The following TUB variants were observed in gnomAD, a reference collection of about 807,000 sequenced individuals.
TUB encodes the protein tubby protein homolog.
In TUB, 33 loss-of-function variants were observed where a neutral mutation model predicts 59.7. The ratio of observed to expected loss-of-function variants is 0.55; its 90% confidence interval spans 0.42 to 0.74. The LOEUF (loss-of-function observed/expected upper bound fraction) is 0.74. Among genes scored for constraint, TUB ranks in the 30% least tolerant of loss-of-function variants. The pLI, the probability that TUB is intolerant of heterozygous loss-of-function variation, is 0.00. For missense variants in TUB, 659 were observed against 672.0 expected (o/e 0.98, Z 0.21); for synonymous variants, 293 against 256.4 (o/e 1.14, Z -1.36).
At chr11:8,023,504 G>A (rs1431890853) in intron 1 of TUB, among the ~76,000 whole-genome samples, 13 of 152,118 alleles carry the variant, frequency 8.5e-5, no homozygotes, top group Non-Finnish European at 1.6e-4. Context: ...AGTTATCAAC[G>A]CAATGCTTCT....
intron 1 of TUB, among the ~76,000 whole-genome samples, chr11:8,088,498 G>A (rs1218277514): frequency 2.0e-5 from 3 of 152,216 alleles, no homozygotes; most frequent in Non-Finnish European, 1.5e-5. Flanking sequence ...ATGCACATGT[G>A]CACACACATG....
In TUB at chr11:8,081,419, C is replaced by T; in HGVS notation, c.-92C>T. 1.7e-5 allele frequency: 19 copies of T among 1,105,246 alleles called. No individual in the cohort carries two copies. Among genetic ancestry groups the T allele is most frequent in the East Asian group, 5.3e-5 (1 of 18,832 alleles). The allele number at this position is 1,105,246 out of a possible 1,614,324, so 68.5% of individuals were successfully genotyped here. On this transcript the variant is annotated 5_prime_UTR_variant, in exon 1 of 12. Transcript: ENST00000299506. ...CGCCCCGGCCCGGGAGGATGCGGCC[C>T]GGGGCGGCCCGGGAGCTGAGCAGGG...
At chr11:8,100,452 C>T (rs1467628649) in intron 9 of TUB, 51 bp from the exon 10 acceptor site, 3 of 1,448,208 alleles carry the variant, frequency 2.1e-6, no homozygotes, top group Non-Finnish European at 2.9e-6. Flanking sequence ...CCACCTTCTC[C>T]AGTAGGTAAA....
chr11:8,102,414 G>A lies in TUB; in HGVS notation c.*795G>A, dbSNP rs1345629872. 1 of 152,226 alleles carries A rather than the reference G, an allele frequency of 6.6e-6. No individual in the cohort carries two copies. Among genetic ancestry groups the A allele is most frequent in the East Asian group, 1.9e-4 (1 of 5,204 alleles). 9.4% of individuals were successfully genotyped at this position (152,226 alleles called of 1,614,324 possible). A position where few individuals can be genotyped will look rare whatever the true frequency, so the allele number is the denominator to read the frequency against. ...CAGAAGTGCATGAACAGGGTCCCTGGATCAGGGTTGTTCTGGGAGTCCTGT... is the reference window on the plus strand; with the variant it reads ...CAGAAGTGCATGAACAGGGTCCCTGAATCAGGGTTGTTCTGGGAGTCCTGT... On this transcript the variant is annotated 3_prime_UTR_variant, in exon 12 of 12. Transcript: ENST00000299506.
At position 8,096,671 on chromosome 11, in the gene TUB, T is replaced by C. The variant is rs553329873; in HGVS notation, c.566-14T>C. On this transcript the variant is annotated splice_polypyrimidine_tract_variant and intron_variant, in intron 5 of 11. Coordinates refer to ENST00000299506, the MANE Select transcript of TUB (RefSeq NM_177972.3). ...TCTCCTCCTTCATCCCTTCTTCTTC[T>C]CTCCTTGGCCCAGGCATCTCCAGCA... The C allele has an allele frequency of 1.6e-5, 25 of 1,549,328 alleles. No individual in the cohort carries two copies. In the African/African-American group the frequency reaches 2.2e-4, roughly 13 times the overall value.
rs750902007 is a variant in TUB at position 8,097,342 on chromosome 11, C to T, written c.802C>T (p.Arg268Cys). 23 of 1,614,056 alleles carry T rather than the reference C, an allele frequency of 1.4e-5. No homozygotes were observed. The highest frequency in any genetic ancestry group is 1.6e-4 in the Middle Eastern group (1 of 6,082). The change falls in exon 7 of 12, where the codon CGC (arginine) becomes TGC (cysteine). Residue 268 changes from arginine (R) to cysteine (C), a missense_variant. Arg to Cys is a radical substitution (Grantham distance 180, BLOSUM62 -3). Transcript: ENST00000299506. ...PAPQGITIKC[R>C]ITRDKKGMDR... ...CCCCCAGGGTATCACCATCAAATGC[C>T]GCATCACTCGGGACAAGAAAGGGAT... is the stretch of plus-strand genomic sequence containing the variant.
rs890458048 is a variant in TUB, at chr11:8,102,987, A to G, written c.*1368A>G. Reference sequence around the variant, plus strand: ...AGAAGCATCAGAGTTGATAAATTAGATTGAAACCATTCCAGTAGGAAATCA... The same window carrying G: ...AGAAGCATCAGAGTTGATAAATTAGGTTGAAACCATTCCAGTAGGAAATCA... On this transcript the variant is annotated 3_prime_UTR_variant, in exon 12 of 12. Transcript: ENST00000299506. 2.6e-5 allele frequency: 4 copies of G among 152,266 alleles called. No homozygotes were observed. Among genetic ancestry groups the G allele is most frequent in the Admixed American group, 2.0e-4 (3 of 15,288 alleles). 9.4% of individuals were successfully genotyped at this position (152,266 alleles called of 1,614,324 possible). A position where few individuals can be genotyped will look rare whatever the true frequency, so the allele number is the denominator to read the frequency against.
chr11:8,101,985 CTG>C lies in TUB; in HGVS notation c.*367_*368del. 4.0e-6 allele frequency: 1 copy of C among 252,132 alleles called. No individual in the cohort carries two copies. The highest frequency in any genetic ancestry group is 7.7e-6 in the Non-Finnish European group (1 of 130,280). 15.6% of individuals were successfully genotyped at this position (252,132 alleles called of 1,614,324 possible). A position where few individuals can be genotyped will look rare whatever the true frequency, so the allele number is the denominator to read the frequency against. Reference sequence around the variant, plus strand: ...GAGGGAGAGGAAGCACACTGCAGGGCTGCTGTGGCCCAGTCGTCCGCTCAGCC... The same window carrying C: ...GAGGGAGAGGAAGCACACTGCAGGGCCTGTGGCCCAGTCGTCCGCTCAGCC... On this transcript the variant is annotated 3_prime_UTR_variant, in exon 12 of 12. Transcript: ENST00000299506.
At position 8,097,463 on chromosome 11, in the gene TUB, C is replaced by T. The variant is rs552300378; in HGVS notation, c.885+38C>T. The stretch of plus-strand genomic sequence containing the variant: ...TGGGCATGTTATCATCTAGGCTTTA[C>T]AGCCCTTTGAAATCCTAGGGGCTGA... On this transcript the variant is annotated intron_variant, in intron 7 of 11. Transcript: ENST00000299506. The T allele has an allele frequency of 6.2e-6, 10 of 1,613,060 alleles. No homozygotes were observed. The African/African-American group carries it at 8.0e-5, about 13-fold the overall frequency.
intron 2 of TUB, among the ~76,000 whole-genome samples, chr11:8,066,942 C>A (rs1429731788): frequency 1.3e-5 from 2 of 152,188 alleles, no homozygotes; most frequent in Non-Finnish European, 2.9e-5. Flanking sequence ...TTACCTCCCC[C>A]AAATGCACAC....
rs143129826 is a variant in TUB, at chr11:8,098,765, T to C, written c.1006T>C (p.Leu336=). 240 of 1,613,848 alleles carry C rather than the reference T, an allele frequency of 1.5e-4. 1 individual carries two copies. In the African/African-American group the frequency reaches 2.3e-3, roughly 15 times the overall value. Residue 336 remains leucine (L), a synonymous_variant, in exon 9 of 12, where the codon TTG becomes CTG. Coordinates refer to ENST00000299506, the MANE Select transcript of TUB (RefSeq NM_177972.3). ...ATTGTGCCTTTATTTCAGGTCCAACTTGATGGGCACCAAGTTCACTGTTTA... is the reference window on the plus strand; with the variant it reads ...ATTGTGCCTTTATTTCAGGTCCAACCTGATGGGCACCAAGTTCACTGTTTA... ...DSYIGKLRSN[L]MGTKFTVYDN...
intron 11 of TUB, 146 bp from the exon 12 acceptor site, chr11:8,101,340 T>C (rs1944292872): frequency 9.0e-7 from 1 of 1,113,474 alleles, no homozygotes; most frequent in Non-Finnish European, 1.3e-6. Context: ...CAATTGGCCT[T>C]TGTTTTACTT....
intron 2 of TUB, among the ~76,000 whole-genome samples, chr11:8,072,522 A>G (rs76805263): frequency 0.056 from 8,506 of 152,172 alleles, 265 homozygotes; most frequent in African/African-American, 0.069. Flanking sequence ...ATGAGACAAT[A>G]CAAGCGAGCA....
chr11:8,058,709 AACTT>A (rs147291666), intron 2 of TUB, among the ~76,000 whole-genome samples: 1,732 of 152,316 alleles, frequency 0.011, 26 homozygotes, highest in African/African-American at 0.035. Context: ...TTTCACTTTC[AACTT>A]ACTTGTTAAC....
At chr11:8,054,378 GT>G (rs1164945930) in intron 2 of TUB, among the ~76,000 whole-genome samples, 1 of 152,146 alleles carries the variant, frequency 6.6e-6, no homozygotes, top group Admixed American at 6.5e-5. Context: ...TTTCTTAAGG[GT>G]TTGATTCTTT....
chr11:8,064,529 G>T (rs1011849592), intron 2 of TUB, among the ~76,000 whole-genome samples: 18 of 152,316 alleles, frequency 1.2e-4, no homozygotes, highest in African/African-American at 4.3e-4. Context: ...AGTAACATTT[G>T]CTGGGGTCTG....
At position 8,100,601 on chromosome 11, in the gene TUB, C is replaced by A. The variant is rs780890309; in HGVS notation, c.1215C>A (p.Asn405Lys). 3.1e-6 allele frequency: 5 copies of A among 1,613,380 alleles called. No individual in the cohort carries two copies. In the Admixed American group the frequency reaches 5.0e-5, roughly 16 times the overall value. ...VHERVSIRPR[N>K]EHETLLARWQ... is the part of the protein sequence containing the mutation. ...AGAGAGTCTCTATCCGCCCCCGCAA[C>A]GTGAGTGTCTACCCCTTCCTCCCCT... Residue 405 changes from asparagine (N) to lysine (K), a missense_variant and splice_region_variant, in exon 10 of 12, where the codon AAC becomes AAA. By Grantham distance (94) the Asn-to-Lys change is moderately conservative (BLOSUM62 0). Around this residue, in one of 3 missense-constraint regions of TUB, gnomAD observed 226 missense variants for 210.8 expected, o/e 1.07. Coordinates refer to ENST00000299506, the MANE Select transcript of TUB (RefSeq NM_177972.3).
chr11:8,025,192 T>C lies in TUB; in HGVS notation c.56+5834T>C, dbSNP rs113880851. On this transcript the variant is annotated intron_variant, in intron 1 of 11. Coordinates refer to the TUB transcript ENST00000534099. ...GTGCTAAGAGGCTTATATAATATGATAAAGTGCAAAGCAGAAAAAGCAGAG... is the reference window on the plus strand; with the variant it reads ...GTGCTAAGAGGCTTATATAATATGACAAAGTGCAAAGCAGAAAAAGCAGAG... Among the ~76,000 whole-genome samples the C allele has an allele frequency of 3.0e-3, 456 of 152,192 alleles. 1 individual carries two copies. Among genetic ancestry groups the C allele is most frequent in the African/African-American group, 0.011 (444 of 41,516 alleles).
In TUB at chr11:8,046,431, C is replaced by A. The variant is rs540044040; in HGVS notation, c.203+6739C>A. 2.0e-5 allele frequency among the ~76,000 whole-genome samples: 3 copies of A among 152,272 alleles called. No homozygotes were observed. The East Asian group carries it at 5.8e-4, about 29-fold the overall frequency. On this transcript the variant is annotated intron_variant, in intron 2 of 12. Transcript: ENST00000305253. The stretch of plus-strand genomic sequence containing the variant: ...ACAGACCCCTCAAACTCAATGCATC[C>A]AAACTAACATCTTCTCTCACCAACC...
Sources: gnomAD v4.1 joint callset for allele counts (sites outside exome capture counted in the v4.1 genomes callset) on GRCh38, gnomAD v4.1.1 for gene constraint, gnomAD v4.1.1 regional missense constraint, MANE v1.5 for transcripts, NCBI Gene and HGNC (gene_info 2026-07-23, HGNC 2026-07-21) for gene names.